The following HAPSTR2 variants were observed in gnomAD, a reference collection of about 807,000 sequenced individuals.
The protein encoded by HAPSTR2 is HUWE1 associated protein modifying stress responses 2.
At chrX:140,092,636 T>TTAC in the HAPSTR2 span, 2 of 679,204 alleles carry the variant, frequency 2.9e-6, no homozygotes, top group Non-Finnish European at 3.5e-6. Context: ...TGTCTAAAGG[T>TTAC]TACTGGAGAC....
the HAPSTR2 span, chrX:140,091,947 C>A: frequency 1.1e-6 from 1 of 871,427 alleles, no homozygotes; most frequent in Non-Finnish European, 1.4e-6. Context: ...CGCCGTTGCT[C>A]AGCTTTACAA....
chrX:140,092,617 C>G, the HAPSTR2 span: 2 of 721,833 alleles, frequency 2.8e-6, no homozygotes, highest in Non-Finnish European at 3.3e-6. Flanking sequence ...ACTCAACCGT[C>G]GACATGCTTG....
At chrX:140,091,907 G>T in the HAPSTR2 span, 2 of 913,857 alleles carry the variant, frequency 2.2e-6, no homozygotes, top group Non-Finnish European at 2.7e-6. Context: ...AGAAGCAGAA[G>T]CTGTGGCACC....
the HAPSTR2 span, chrX:140,092,709 T>A: frequency 1.1e-5 from 4 of 376,662 alleles, no homozygotes; most frequent in Non-Finnish European, 1.4e-5. Flanking sequence ...AAAGAAACTT[T>A]AAAAGTATTC....
At chrX:140,091,983 C>T in the HAPSTR2 span, 70 of 830,354 alleles carry the variant, frequency 8.4e-5, no homozygotes, top group Admixed American at 2.5e-4. Context: ...ACAGCAAGGA[C>T]TTTCCATGTG....
At chrX:140,091,680 T>C in the HAPSTR2 span, 1 of 566,606 alleles carries the variant, frequency 1.8e-6, no homozygotes, top group Non-Finnish European at 2.2e-6. Flanking sequence ...GGACCAAGAG[T>C]AGGCAGCAGC....
At chrX:140,091,691 G>C in the HAPSTR2 span, 3 of 629,913 alleles carry the variant, frequency 4.8e-6, no homozygotes, top group East Asian at 2.1e-4. Context: ...AGGCAGCAGC[G>C]GCGGCGGCGG....
the HAPSTR2 span, chrX:140,091,844 GC>G: frequency 3.1e-6 from 3 of 980,571 alleles, no homozygotes; most frequent in Non-Finnish European, 3.9e-6. Context: ...AGGAGCAGCT[GC>G]CCCCCGAGCT....
chrX:140,092,248 C>G, the HAPSTR2 span: 3 of 753,446 alleles, frequency 4.0e-6, no homozygotes, highest in African/African-American at 6.9e-5. Flanking sequence ...ACTGGGGTCA[C>G]CAGCCAGGCT....
At chrX:140,091,831 A>G in the HAPSTR2 span, 1 of 976,947 alleles carries the variant, frequency 1.0e-6, no homozygotes, top group Non-Finnish European at 1.3e-6. Context: ...GAGGCCGAGC[A>G]GGAGGAGCAG....
At chrX:140,092,248 C>A in the HAPSTR2 span, 4 of 753,446 alleles carry the variant, frequency 5.3e-6, no homozygotes, top group Non-Finnish European at 6.3e-6. Flanking sequence ...ACTGGGGTCA[C>A]CAGCCAGGCT....
the HAPSTR2 span, chrX:140,091,734 A>G: frequency 3.4e-6 from 3 of 870,630 alleles, no homozygotes; most frequent in East Asian, 2.3e-4. Context: ...GCGCGGCCTG[A>G]AGAGGAGGAT....
At chrX:140,091,888 T>C in the HAPSTR2 span, 2 of 933,933 alleles carry the variant, frequency 2.1e-6, no homozygotes, top group Non-Finnish European at 2.7e-6. Flanking sequence ...TTGGCAGGGC[T>C]CAAGAGCGAG....
At chrX:140,092,596 C>T in the HAPSTR2 span, 1 of 750,267 alleles carries the variant, frequency 1.3e-6, no homozygotes, top group Non-Finnish European at 1.6e-6. Flanking sequence ...CGCCATATTG[C>T]TTGAGAGTGA....
At chrX:140,092,725 G>T in the HAPSTR2 span, among the ~76,000 whole-genome samples, 2 of 111,728 alleles carry the variant, frequency 1.8e-5, no homozygotes, top group African/African-American at 6.5e-5. Context: ...TATTCCAGAA[G>T]AGGCTTCATA....
chrX:140,092,670 T>G, the HAPSTR2 span: 3 of 563,262 alleles, frequency 5.3e-6, no homozygotes, highest in Non-Finnish European at 6.5e-6. Context: ...TTCTCTAAGT[T>G]AAACAAAGAT....
At chrX:140,092,316 A>G in the HAPSTR2 span, 2 of 754,288 alleles carry the variant, frequency 2.7e-6, no homozygotes, top group Non-Finnish European at 3.1e-6. Context: ...CCAGGAGGCG[A>G]TCGCCCTGCA....
the HAPSTR2 span, chrX:140,092,271 T>G: frequency 2.7e-6 from 2 of 754,249 alleles, no homozygotes; most frequent in South Asian, 6.8e-5. Flanking sequence ...GGCAACTGAG[T>G]CCAGCTCATC....
At chrX:140,092,512 G>A in the HAPSTR2 span, 31 of 751,800 alleles carry the variant, frequency 4.1e-5, no homozygotes, top group Non-Finnish European at 4.7e-5. Flanking sequence ...TCGGCCCAAT[G>A]CAGTGATGGC....
Sources: gnomAD v4.1 joint callset for allele counts (sites outside exome capture counted in the v4.1 genomes callset) on GRCh38, gnomAD v4.1.1 for gene constraint, MANE v1.5 for transcripts, NCBI Gene and HGNC (gene_info 2026-07-23, HGNC 2026-07-21) for gene names.